RYR1: variants seen among roughly 807,000 people sequenced by gnomAD.
The protein encoded by RYR1 is central core disease of muscle.
Under a neutral mutation model 583.5 loss-of-function variants are expected in RYR1, and 342 were observed. The ratio of observed to expected loss-of-function variants is 0.59; its 90% CI spans 0.54 to 0.64. The LOEUF (loss-of-function observed/expected upper bound fraction) is 0.64, where lower values mean the gene tolerates loss of function less well. Ranked by LOEUF, RYR1 falls within the 30% of genes least tolerant of loss-of-function variation. The pLI is 0.00. For missense variants in RYR1, 6,032 were observed against 6,917.2 expected (o/e 0.87, Z 4.54); for synonymous variants, 2,791 against 2,822.5 (o/e 0.99, Z 0.35).
chr19:38,448,578 A>T lies in RYR1; in HGVS notation c.957+67A>T, dbSNP rs1966911811. On this transcript the variant is annotated intron_variant, in intron 10 of 105. Transcript: ENST00000359596. The stretch of plus-strand genomic sequence containing the variant: ...AGTCCCAGCCCAGCCTGCACTCTGC[A>T]GTCCCTCAGGGGGGCTCCCCTGCTA... 3 of 1,613,982 alleles carry T rather than the reference A, an allele frequency of 1.9e-6. No individual in the cohort carries two copies. The African/African-American group carries it at 4.0e-5, about 22-fold the overall frequency.
intron 16 of RYR1, among the ~76,000 whole-genome samples, chr19:38,456,843 G>A (rs991742205): frequency 6.0e-5 from 9 of 150,932 alleles, no homozygotes; most frequent in South Asian, 2.1e-4. Flanking sequence ...TCAGGAGATC[G>A]AGACCATCCT....
chr19:38,477,401 C>G (rs928437654), intron 29 of RYR1, among the ~76,000 whole-genome samples: 1 of 152,240 alleles, frequency 6.6e-6, no homozygotes, highest in African/African-American at 2.4e-5. Flanking sequence ...CCTCAGCTTC[C>G]CAAAGTGCTG....
In RYR1 at chr19:38,453,006, C is replaced by T; in HGVS notation, c.1432C>T (p.Gln478Ter). 6.2e-7 allele frequency: 1 copy of T among 1,613,694 alleles called. No homozygotes were observed. Among genetic ancestry groups the T allele is most frequent in the Non-Finnish European group, 8.5e-7 (1 of 1,179,750 alleles). The change falls in exon 13 of 106, where the codon CAG becomes TAG. Residue 478 changes from glutamine (Q) to a stop codon, truncating the protein, a stop_gained. Transcript: ENST00000359596. LOFTEE classifies it high-confidence loss of function. ...RSLRNRQSLF[Q>*]EEGMLSMVLN... is the part of the protein sequence containing the mutation. ...CCTGCGCAACCGCCAGAGCCTCTTC[C>T]AGGAGGAGGTGAGGACGTGGCGAGG...
chr19:38,437,487 G>A (rs762794651), intron 1 of RYR1, among the ~76,000 whole-genome samples: 21 of 152,030 alleles, frequency 1.4e-4, no homozygotes, highest in Admixed American at 4.6e-4. Flanking sequence ...TTCTCTCTGA[G>A]CCTCAGTGTT....
At chr19:38,568,530 G>A (rs1207635251) in intron 93 of RYR1, among the ~76,000 whole-genome samples, 7 of 145,216 alleles carry the variant, frequency 4.8e-5, no homozygotes, top group African/African-American at 1.8e-4. Flanking sequence ...GAGGTCAGGA[G>A]TTCAAGACCA....
chr19:38,563,035 C>T (rs183199858), intron 90 of RYR1, among the ~76,000 whole-genome samples: 19 of 152,318 alleles, frequency 1.2e-4, no homozygotes, highest in African/African-American at 3.6e-4. Flanking sequence ...CTGTTCACCA[C>T]GGCCCTTCCC....
intron 89 of RYR1, among the ~76,000 whole-genome samples, chr19:38,560,050 T>C (rs576153817): frequency 5.9e-5 from 9 of 152,238 alleles, no homozygotes; most frequent in African/African-American, 2.2e-4. Flanking sequence ...CACAAGAATG[T>C]TCAAGAAAAG....
chr19:38,523,695 C>G (rs1038989799), intron 69 of RYR1: 2 of 637,204 alleles, frequency 3.1e-6, no homozygotes, highest in African/African-American at 1.8e-5. Context: ...CTCCCCATTA[C>G]CCCATTTCCT....
intron 31 of RYR1, 92 bp downstream of exon 31, chr19:38,478,692 G>T: frequency 6.7e-7 from 1 of 1,485,290 alleles, no homozygotes; most frequent in Non-Finnish European, 9.3e-7. Context: ...AGACCTCAGA[G>T]ATGGAACAAA....
chr19:38,575,057 A>AC (rs1973896494), intron 96 of RYR1, among the ~76,000 whole-genome samples: 1 of 146,768 alleles, frequency 6.8e-6, no homozygotes, highest in Non-Finnish European at 1.5e-5. Flanking sequence ...AAAAAAAAAA[A>AC]CTCGTTGGCC....
Position 38,564,943 on chromosome 19 carries a change from C to T in RYR1, c.12625-16C>T, listed in dbSNP as rs1973321296. 3 of 1,564,756 alleles carry T rather than the reference C, an allele frequency of 1.9e-6. No homozygotes were observed. The highest frequency in any genetic ancestry group is 1.2e-5 in the South Asian group (1 of 85,130). On this transcript the variant is annotated splice_polypyrimidine_tract_variant and intron_variant, in intron 90 of 105. Coordinates refer to ENST00000359596, the MANE Select transcript of RYR1 (RefSeq NM_000540.3). ...CGCTGACGGCGCCCTATCCTGTCTG[C>T]CGCCCCTCGCTTCAGGTGAAGGAGT...
Position 38,523,307 on chromosome 19 carries a change from A to G in RYR1, c.10438A>G (p.Lys3480Glu), listed in dbSNP as rs1971306070. 5.0e-6 allele frequency: 8 copies of G among 1,614,164 alleles called. No homozygotes were observed. Among genetic ancestry groups the G allele is most frequent in the African/African-American group, 1.3e-5 (1 of 75,052 alleles). Reference protein sequence around the residue: ...LTADNKSKMAKAGDIQSGGSD... With the variant: ...LTADNKSKMAEAGDIQSGGSD... The stretch of plus-strand genomic sequence containing the variant: ...TGCTGACAACAAAAGCAAAATGGCT[A>G]AGGTCGGGGCTTGGTTCTGGGAGGA... Residue 3480 changes from lysine to glutamate, a missense_variant and splice_region_variant, in exon 69 of 106, where the codon AAG becomes GAG. This residue lies in a region of RYR1 where 1,493 missense variants were observed against 1,715.5 expected (regional missense o/e 0.87). Coordinates refer to ENST00000359596, the MANE Select transcript of RYR1 (RefSeq NM_000540.3).
In RYR1 at chr19:38,527,632, T is replaced by C. The variant is rs769754169; in HGVS notation, c.10687-15T>C. On this transcript the variant is annotated splice_polypyrimidine_tract_variant and intron_variant, in intron 72 of 105. Coordinates refer to ENST00000359596, the MANE Select transcript of RYR1 (RefSeq NM_000540.3). The stretch of plus-strand genomic sequence containing the variant: ...AGGGTCCCTCACGCCGGCCACTCCT[T>C]CTTCCTCCCTTCAGGTCGAAGGCTC... 53 of 1,613,642 alleles carry C rather than the reference T, an allele frequency of 3.3e-5. No individual in the cohort carries two copies. The highest frequency in any genetic ancestry group is 6.7e-5 in the African/African-American group (5 of 74,922).
intron 90 of RYR1, 48 bp from the exon 91 acceptor site, chr19:38,564,911 G>A (rs1038565197): frequency 2.6e-6 from 4 of 1,544,740 alleles, no homozygotes; most frequent in Non-Finnish European, 2.6e-6. Context: ...GCTGCTGTCC[G>A]AGCCCCCGCT....
rs965867005 is a variant in RYR1 at position 38,511,614 on chromosome 19, A to G, written c.9172+4A>G. 10 of 1,613,878 alleles carry G rather than the reference A, an allele frequency of 6.2e-6. No individual in the cohort carries two copies. Among genetic ancestry groups the G allele is most frequent in the Non-Finnish European group, 8.5e-6 (10 of 1,179,958 alleles). ...CGCCACCGAGTCTCTCTCTTTGGTAAGTGGCTCCACACCTTCGGTCTTCCT... is the reference window on the plus strand; with the variant it reads ...CGCCACCGAGTCTCTCTCTTTGGTAGGTGGCTCCACACCTTCGGTCTTCCT... On this transcript the variant is annotated splice_donor_region_variant and intron_variant, in intron 61 of 105. Coordinates refer to ENST00000359596, the MANE Select transcript of RYR1 (RefSeq NM_000540.3).
intron 34 of RYR1, 63 bp downstream of exon 34, chr19:38,486,265 A>G: frequency 6.2e-7 from 1 of 1,600,988 alleles, no homozygotes; most frequent in Admixed American, 1.7e-5. Context: ...AACTCCAGAG[A>G]TACATGCATC....
rs746066078 is a variant in RYR1 at position 38,483,155 on chromosome 19, G to A, written c.4707+42G>A. On this transcript the variant is annotated intron_variant, in intron 32 of 105. Transcript: ENST00000359596. The surrounding 1 kb of genome is among the most constrained non-coding windows in gnomAD (Gnocchi z 6.3). ...GGGGGCACTAATGGGGCCAGGCTGA[G>A]GCAGGAGATGTGGGGAGGCCAGGCG... The A allele has an allele frequency of 1.2e-6, 2 of 1,605,940 alleles. No homozygotes were observed. The highest frequency in any genetic ancestry group is 2.7e-5 in the African/African-American group (2 of 74,734).
At chr19:38,528,268 G>A (rs780903177) in intron 73 of RYR1, 38 bp from the exon 74 acceptor site, 5 of 1,554,618 alleles carry the variant, frequency 3.2e-6, no homozygotes, top group Non-Finnish European at 4.4e-6. Flanking sequence ...AGAGGGGCAG[G>A]GTCTGGGGAT....
intron 56 of RYR1, 90 bp from the exon 57 acceptor site, chr19:38,506,739 A>G: frequency 6.3e-7 from 1 of 1,591,990 alleles, no homozygotes; most frequent in Non-Finnish European, 8.6e-7. Context: ...TATCACCATA[A>G]TTACGCATGC....
Sources: allele counts gnomAD v4.1 joint callset (sites outside exome capture counted in the v4.1 genomes callset), GRCh38; gene constraint gnomAD v4.1.1; regional missense constraint gnomAD v4.1.1; non-coding constraint Gnocchi (gnomAD v3.1); transcripts MANE v1.5; gene names NCBI Gene and HGNC (gene_info 2026-07-23, HGNC 2026-07-21).